LARP4B: variants seen among roughly 807,000 people sequenced by gnomAD.
LARP4B encodes the protein la-related protein 4B.
Under a neutral mutation model 89.8 loss-of-function variants are expected in LARP4B, and 12 were observed. The ratio of observed to expected loss-of-function variants is 0.13; its 90% CI spans 0.09 to 0.22. The LOEUF (loss-of-function observed/expected upper bound fraction) is 0.22, where lower values mean the gene tolerates loss of function less well. Among genes scored for constraint, LARP4B ranks in the 10% least tolerant of loss-of-function variants. The pLI is 1.00. For missense variants in LARP4B, 757 were observed against 947.7 expected (o/e 0.80, Z 2.64); for synonymous variants, 367 against 363.3 (o/e 1.01, Z -0.12).
At chr10:965,195 G>T in the LARP4B span, among the ~76,000 whole-genome samples, 3 of 152,218 alleles carry the variant, frequency 2.0e-5, no homozygotes, top group African/African-American at 7.2e-5. Flanking sequence ...GTCCTGCTGG[G>T]AGTGCCCGTG....
At chr10:908,054 A>T (rs1836543069) in intron 1 of LARP4B, among the ~76,000 whole-genome samples, 1 of 152,104 alleles carries the variant, frequency 6.6e-6, no homozygotes, top group Non-Finnish European at 1.5e-5. Flanking sequence ...AAAAATACAA[A>T]AATTAGCTGG....
intron 1 of LARP4B, among the ~76,000 whole-genome samples, chr10:887,084 C>CCTCA (rs1179812822): frequency 6.8e-6 from 1 of 148,024 alleles, no homozygotes; most frequent in African/African-American, 2.5e-5. Context: ...TGAAACTCCA[C>CCTCA]CTCACTCACA....
rs184310217 is a variant in LARP4B, at chr10:842,082, A to T, written c.646+850T>A. Among the ~76,000 whole-genome samples the T allele has an allele frequency of 3.3e-5, 5 of 152,316 alleles. No homozygotes were observed. In the East Asian group the frequency reaches 9.6e-4, roughly 29 times the overall value. On this transcript the variant is annotated intron_variant, in intron 7 of 17. Transcript: ENST00000316157. ...GGCAGTGGACTTAATTGAGACTTGA[A>T]GTCAGGCTTAGCAATGTCCAATCAC...
At chr10:911,295 T>G (rs1188159893) in intron 1 of LARP4B, among the ~76,000 whole-genome samples, 1 of 152,176 alleles carries the variant, frequency 6.6e-6, no homozygotes, top group Non-Finnish European at 1.5e-5. Flanking sequence ...ACATTCTTTT[T>G]CAGAGTTCTA....
At position 874,765 on chromosome 10, in the gene LARP4B, A is replaced by G. The variant is rs568006438; in HGVS notation, c.141+9682T>C. On this transcript the variant is annotated intron_variant, in intron 3 of 17. Transcript: ENST00000316157. ...AAATATTAACATTTTTATGATAAAAAGTTTAGGAATTACACTTAAACATAA... is the reference window on the plus strand; with the variant it reads ...AAATATTAACATTTTTATGATAAAAGGTTTAGGAATTACACTTAAACATAA... Among the ~76,000 whole-genome samples, 3 of 152,358 alleles carry G rather than the reference A, an allele frequency of 2.0e-5. No individual in the cohort carries two copies. In the South Asian group the frequency reaches 6.2e-4, roughly 32 times the overall value.
rs1389013664 is a variant in LARP4B at position 820,807 on chromosome 10, T to G, written c.1523A>C (p.Lys508Thr). The change falls in exon 14 of 18, where the codon AAG becomes ACG. Residue 508 changes from lysine to threonine, a missense_variant. Lys to Thr is a moderately conservative substitution (Grantham distance 78). Around this residue, in one of 5 missense-constraint regions of LARP4B, gnomAD observed 387 missense variants for 423.6 expected, o/e 0.91. Coordinates refer to ENST00000316157, the MANE Select transcript of LARP4B (RefSeq NM_015155.3). Reference sequence around the variant, plus strand: ...TATGCTTTATGTACTCACTGTAAACTTCTCCTCCCTTTTCTTCCGGTAGCC... The same window carrying G: ...TATGCTTTATGTACTCACTGTAAACGTCTCCTCCCTTTTCTTCCGGTAGCC... ...SFGYRKKREEKFTSSQTQSPT... is the reference protein window; with the variant it reads ...SFGYRKKREETFTSSQTQSPT... The G allele has an allele frequency of 6.2e-7, 1 of 1,613,308 alleles. No individual in the cohort carries two copies. Among genetic ancestry groups the G allele is most frequent in the Non-Finnish European group, 8.5e-7 (1 of 1,179,384 alleles).
chr10:975,953 ACG>A, the LARP4B span, among the ~76,000 whole-genome samples: 12 of 149,534 alleles, frequency 8.0e-5, no homozygotes, highest in African/African-American at 2.5e-4. Context: ...CTGTCGTGCA[ACG>A]TGTGGACCCG....
Position 825,055 on chromosome 10 carries a change from A to G in LARP4B, c.1484+10T>C. ...TTATGATGTTACACAGTAACTGCTC[A>G]ACAACTCACCTTCCCCTCCCTAAAC... is the stretch of plus-strand genomic sequence containing the variant. On this transcript the variant is annotated intron_variant, in intron 13 of 17. Transcript: ENST00000316157. The G allele has an allele frequency of 6.2e-7, 1 of 1,612,004 alleles. No individual in the cohort carries two copies. The highest frequency in any genetic ancestry group is 8.5e-7 in the Non-Finnish European group (1 of 1,178,344).
At chr10:919,735 G>A (rs1024769181) in intron 1 of LARP4B, among the ~76,000 whole-genome samples, 1 of 152,230 alleles carries the variant, frequency 6.6e-6, no homozygotes, top group Admixed American at 6.5e-5. Context: ...CACAGGTGTT[G>A]AAGTTGGATC....
At chr10:937,768 T>C in the LARP4B span, among the ~76,000 whole-genome samples, 6 of 152,216 alleles carry the variant, frequency 3.9e-5, no homozygotes, top group African/African-American at 1.4e-4. Flanking sequence ...TTCCAAATTA[T>C]AGGAGACTAA....
At chr10:879,406 G>A (rs1192740368) in intron 3 of LARP4B, among the ~76,000 whole-genome samples, 4 of 152,232 alleles carry the variant, frequency 2.6e-5, no homozygotes, top group South Asian at 2.1e-4. Flanking sequence ...TCATGCTGAG[G>A]TAAAGGCAGC....
intron 1 of LARP4B, among the ~76,000 whole-genome samples, chr10:912,714 A>G (rs1009412082): frequency 2.0e-5 from 3 of 149,776 alleles, no homozygotes; most frequent in African/African-American, 7.6e-5. Flanking sequence ...TTGACAAAAA[A>G]AAAAAAAAAA....
At chr10:975,153 T>C in the LARP4B span, among the ~76,000 whole-genome samples, 2 of 152,226 alleles carry the variant, frequency 1.3e-5, no homozygotes, top group African/African-American at 4.8e-5. Context: ...TACATACAAG[T>C]TACTTTCATG....
At chr10:827,145 G>A (rs539002623) in intron 11 of LARP4B, among the ~76,000 whole-genome samples, 6 of 152,086 alleles carry the variant, frequency 3.9e-5, no homozygotes, top group African/African-American at 1.4e-4. Context: ...GCGTAGTGGC[G>A]GGCGCCTGTA....
intron 7 of LARP4B, among the ~76,000 whole-genome samples, chr10:842,355 G>A (rs1361083213): frequency 6.6e-6 from 1 of 151,886 alleles, no homozygotes; most frequent in Non-Finnish European, 1.5e-5. Context: ...ACACCACCAC[G>A]CCCAGCTAAT....
intron 3 of LARP4B, among the ~76,000 whole-genome samples, chr10:881,849 G>A (rs562737363): frequency 1.3e-5 from 2 of 152,296 alleles, no homozygotes; most frequent in East Asian, 1.9e-4. Context: ...AGGGCTCCTC[G>A]AAGACGTGTA....
At chr10:882,971 T>A (rs1277129200) in intron 3 of LARP4B, among the ~76,000 whole-genome samples, 2 of 152,220 alleles carry the variant, frequency 1.3e-5, no homozygotes, top group East Asian at 1.9e-4. Context: ...CTATGAAGCA[T>A]GTAACTCTCC....
chr10:918,961 G>A (rs1300866805), intron 1 of LARP4B, among the ~76,000 whole-genome samples: 13 of 151,972 alleles, frequency 8.6e-5, no homozygotes, highest in African/African-American at 2.2e-4. Context: ...GGCGCCTGTA[G>A]TCCCAGCTAC....
At chr10:925,569 T>A (rs1200957602) in intron 1 of LARP4B, among the ~76,000 whole-genome samples, 2 of 152,208 alleles carry the variant, frequency 1.3e-5, no homozygotes, top group Admixed American at 1.3e-4. Context: ...AGCCTCACTC[T>A]GTCGCCCAGG....
Sources: gnomAD v4.1 joint callset for allele counts (sites outside exome capture counted in the v4.1 genomes callset) on GRCh38, gnomAD v4.1.1 for gene constraint, gnomAD v4.1.1 regional missense constraint, MANE v1.5 for transcripts, NCBI Gene and HGNC (gene_info 2026-07-23, HGNC 2026-07-21) for gene names.